LRP1B: variants seen among roughly 807,000 people sequenced by gnomAD.
LRP1B encodes low-density lipoprotein receptor-related protein 1B.
LRP1B carries 217 observed loss-of-function variants against 556.6 expected under a neutral mutation model. The observed-to-expected ratio is 0.39, with a 90% confidence interval of 0.35 to 0.44. The LOEUF is 0.44. Ranked by LOEUF, LRP1B falls within the 20% of genes least tolerant of loss-of-function variation. The pLI is 1.00. For synonymous variants in LRP1B, 2,047 were observed against 1,865.8 expected, an observed-to-expected ratio of 1.10 and a Z score of -2.50; for missense variants, 5,053 against 5,620.8, an observed-to-expected ratio of 0.90 and a Z score of 3.23.
chr2:141,339,959 A>T (rs906922867), intron 3 of LRP1B, among the ~76,000 whole-genome samples: 2 of 152,042 alleles, frequency 1.3e-5, no homozygotes, highest in African/African-American at 4.8e-5. Flanking sequence ...TGGAGTCTCC[A>T]GGTGTCTCTC....
intron 1 of LRP1B, among the ~76,000 whole-genome samples, chr2:141,968,881 A>G (rs1187313023): frequency 2.0e-5 from 3 of 151,680 alleles, no homozygotes; most frequent in African/African-American, 7.2e-5. Context: ...ATCGGCTCTC[A>G]AAAATGAGAT....
At chr2:141,641,921 T>C (rs1021775794) in intron 2 of LRP1B, among the ~76,000 whole-genome samples, 29 of 152,162 alleles carry the variant, frequency 1.9e-4, no homozygotes, top group Non-Finnish European at 1.5e-5. Flanking sequence ...TTTCAATGTC[T>C]GCTTGCAATT....
intron 31 of LRP1B, among the ~76,000 whole-genome samples, chr2:140,815,881 T>C (rs1031048846): frequency 1.3e-4 from 19 of 151,620 alleles, no homozygotes; most frequent in African/African-American, 4.1e-4. Context: ...TTTTTTTTTT[T>C]TTGGATCTGA....
chr2:141,903,069 C>T (rs1699666142), intron 1 of LRP1B, among the ~76,000 whole-genome samples: 1 of 151,536 alleles, frequency 6.6e-6, no homozygotes, highest in African/African-American at 2.4e-5. Context: ...CAGTGGTGTT[C>T]ATTATTCTTC....
intron 2 of LRP1B, among the ~76,000 whole-genome samples, chr2:141,529,904 T>C (rs564013880): frequency 7.2e-5 from 11 of 152,256 alleles, no homozygotes; most frequent in Middle Eastern, 3.4e-3. Context: ...TGGTTGTATA[T>C]AGTGGTGACA....
At chr2:141,490,793 A>G (rs1028776197) in intron 2 of LRP1B, among the ~76,000 whole-genome samples, 68 of 152,184 alleles carry the variant, frequency 4.5e-4, no homozygotes, top group African/African-American at 1.6e-3. Context: ...TAGGTGTTTT[A>G]AATGCTCCTT....
At chr2:141,951,504 C>T (rs1353552470) in intron 1 of LRP1B, among the ~76,000 whole-genome samples, 2 of 152,208 alleles carry the variant, frequency 1.3e-5, no homozygotes, top group East Asian at 3.9e-4. Flanking sequence ...GTCGTTGCCA[C>T]AAAAGTGATT....
At position 141,010,527 on chromosome 2, in the gene LRP1B, T is replaced by C. The variant is rs72975016; in HGVS notation, c.2380+3029A>G. 6.6e-3 allele frequency among the ~76,000 whole-genome samples: 997 copies of C among 152,164 alleles called. 11 individuals are homozygous for C. The highest frequency in any genetic ancestry group is 0.023 in the African/African-American group (961 of 41,548). On this transcript the variant is annotated intron_variant, in intron 14 of 90. Transcript: ENST00000389484. ...TCCAAGTAATTTGACAAGTCTCTTT[T>C]TTTTTTAGACAGAGTTTTGCTCTGT...
At chr2:140,480,764 T>G (rs1688202780) in intron 59 of LRP1B, among the ~76,000 whole-genome samples, 1 of 152,238 alleles carries the variant, frequency 6.6e-6, no homozygotes, top group Middle Eastern at 3.4e-3. Context: ...TGTCAGAATT[T>G]TAGTAAAAGA....
rs562475070 is a variant in LRP1B at position 140,767,012 on chromosome 2, G to A, written c.5758+2201C>T. Among the ~76,000 whole-genome samples the A allele has an allele frequency of 1.4e-4, 21 of 151,560 alleles. 1 individual carries two copies. The highest frequency in any genetic ancestry group is 8.6e-4 in the Admixed American group (13 of 15,154). On this transcript the variant is annotated intron_variant, in intron 35 of 90. Coordinates refer to ENST00000389484, the MANE Select transcript of LRP1B (RefSeq NM_018557.3). ...TCTAAACATGCCCACACCCCAAAAAGGGAAACAGAGCCTCAGAAAAATTAG... is the reference window on the plus strand; with the variant it reads ...TCTAAACATGCCCACACCCCAAAAAAGGAAACAGAGCCTCAGAAAAATTAG...
At chr2:140,558,231 G>T (rs1244525335) in intron 43 of LRP1B, among the ~76,000 whole-genome samples, 1 of 152,126 alleles carries the variant, frequency 6.6e-6, no homozygotes, top group Admixed American at 6.6e-5. Flanking sequence ...TAAACATAGT[G>T]TCTGTATGGC....
chr2:141,366,731 T>C (rs1689048639), intron 3 of LRP1B, among the ~76,000 whole-genome samples: 1 of 152,230 alleles, frequency 6.6e-6, no homozygotes, highest in Non-Finnish European at 1.5e-5. Context: ...TTTACTTTTT[T>C]CTCAAATGTC....
chr2:141,528,223 C>A (rs1021580976), intron 2 of LRP1B, among the ~76,000 whole-genome samples: 2 of 151,866 alleles, frequency 1.3e-5, no homozygotes, highest in African/African-American at 4.8e-5. Context: ...TGAGTGACAA[C>A]CTATGGGGTT....
intron 3 of LRP1B, among the ~76,000 whole-genome samples, chr2:141,463,295 T>G (rs1012305115): frequency 6.6e-6 from 1 of 151,970 alleles, no homozygotes; most frequent in Non-Finnish European, 1.5e-5. Flanking sequence ...CAAAGAATTG[T>G]TGTAATTTTA....
chr2:140,386,618 C>CT (rs1683770605), intron 66 of LRP1B, among the ~76,000 whole-genome samples: 1 of 152,080 alleles, frequency 6.6e-6, no homozygotes, highest in Non-Finnish European at 1.5e-5. Context: ...CACTGAGTAC[C>CT]AGGAAAGTAT....
At chr2:141,115,465 T>TTTTTG (rs1553461963) in intron 7 of LRP1B, among the ~76,000 whole-genome samples, 1 of 147,214 alleles carries the variant, frequency 6.8e-6, no homozygotes. Context: ...TTTGTTTTTT[T>TTTTTG]TTTTTTTTTG....
chr2:141,714,015 G>C (rs770311926), intron 2 of LRP1B, among the ~76,000 whole-genome samples: 4 of 152,148 alleles, frequency 2.6e-5, no homozygotes, highest in African/African-American at 9.7e-5. Context: ...TATCAGCTGA[G>C]TGCTACAGTC....
chr2:140,582,637 C>T (rs1182217950), intron 43 of LRP1B, among the ~76,000 whole-genome samples: 1 of 152,148 alleles, frequency 6.6e-6, no homozygotes, highest in Non-Finnish European at 1.5e-5. Context: ...TTCCTTCTGT[C>T]ATGCGAGGAT....
intron 2 of LRP1B, among the ~76,000 whole-genome samples, chr2:141,542,060 TATTC>T (rs1298625825): frequency 4.7e-5 from 1 of 21,338 alleles, no homozygotes; most frequent in Non-Finnish European, 6.0e-3. Context: ...TGTAATGTTC[TATTC>T]TTTTTGCGAT....
Sources: gnomAD v4.1 joint callset for allele counts (sites outside exome capture counted in the v4.1 genomes callset) on GRCh38, gnomAD v4.1.1 for gene constraint, MANE v1.5 for transcripts, NCBI Gene and HGNC (gene_info 2026-07-23, HGNC 2026-07-21) for gene names.